CFDP1: variants seen among roughly 807,000 people sequenced by gnomAD.
CFDP1 encodes chromatin remodeling protein CFDP1, also known as heterochromatin-stabilizing protein CFDP1.
A neutral mutation model predicts 40.1 loss-of-function variants in CFDP1; 31 were observed. The observed-to-expected ratio is 0.77, with a 90% confidence interval of 0.58 to 1.04. CFDP1 has a LOEUF of 1.04. CFDP1 is among the 50% of genes least tolerant of loss of function. The probability of loss-of-function intolerance (pLI) is 0.00; values close to 1 mark genes in which losing one functional copy is unlikely to be tolerated. For synonymous variants in CFDP1, 167 were observed against 120.0 expected (o/e 1.39, Z -2.56); for missense variants, 423 against 343.4 (o/e 1.23, Z -1.83).
At chr16:75,358,732 G>A (rs565407181) in intron 5 of CFDP1, among the ~76,000 whole-genome samples, 128 of 152,180 alleles carry the variant, frequency 8.4e-4, no homozygotes, top group African/African-American at 2.8e-3. Context: ...AGTGAACAAT[G>A]TCTGTCTGTC....
intron 1 of CFDP1, among the ~76,000 whole-genome samples, chr16:75,430,042 G>C (rs1329100642): frequency 6.6e-6 from 1 of 152,196 alleles, no homozygotes; most frequent in Non-Finnish European, 1.5e-5. Flanking sequence ...AGGACAACTC[G>C]GGGTGGGAGT....
intron 5 of CFDP1, among the ~76,000 whole-genome samples, chr16:75,334,110 A>G (rs1011433709): frequency 1.3e-5 from 2 of 152,092 alleles, no homozygotes; most frequent in African/African-American, 4.8e-5. Context: ...TGGAAATACC[A>G]GCTACCTCAA....
At chr16:75,418,391 C>T (rs2079234891) in intron 1 of CFDP1, among the ~76,000 whole-genome samples, 2 of 150,654 alleles carry the variant, frequency 1.3e-5, no homozygotes, top group Non-Finnish European at 3.0e-5. Flanking sequence ...CTGCAAGCTC[C>T]GCCTCCCGGG....
At chr16:75,428,447 C>G (rs2079367004) in intron 1 of CFDP1, among the ~76,000 whole-genome samples, 1 of 151,958 alleles carries the variant, frequency 6.6e-6, no homozygotes, top group African/African-American at 2.4e-5. Context: ...AGCCCCGTCT[C>G]TATTAAAATA....
chr16:75,362,828 G>C (rs934064456), intron 5 of CFDP1: 1 of 152,174 alleles, frequency 6.6e-6, no homozygotes, highest in Non-Finnish European at 1.5e-5. Flanking sequence ...TATAAACAAT[G>C]ATATTACATG....
chr16:75,390,908 C>T (rs1272700184), intron 5 of CFDP1, among the ~76,000 whole-genome samples: 1 of 152,178 alleles, frequency 6.6e-6, no homozygotes, highest in Non-Finnish European at 1.5e-5. Context: ...TATTTGTATC[C>T]CTGTGGTTTT....
chr16:75,337,708 TAAA>T (rs2078499114), intron 5 of CFDP1, among the ~76,000 whole-genome samples: 1 of 151,986 alleles, frequency 6.6e-6, no homozygotes, highest in African/African-American at 2.4e-5. Flanking sequence ...CACACACTTT[TAAA>T]CAACCAAATC....
chr16:75,297,029 A>G (rs1350355934), intron 6 of CFDP1, among the ~76,000 whole-genome samples: 1 of 152,198 alleles, frequency 6.6e-6, no homozygotes, highest in Non-Finnish European at 1.5e-5. Flanking sequence ...AAAACAGAAT[A>G]ACAATTACAA....
intron 5 of CFDP1, among the ~76,000 whole-genome samples, chr16:75,392,816 G>A (rs1228773950): frequency 6.6e-6 from 1 of 152,190 alleles, no homozygotes; most frequent in Non-Finnish European, 1.5e-5. Context: ...AGTATTAACA[G>A]GGCCAGGTCT....
chr16:75,375,836 C>T (rs1001729548), intron 5 of CFDP1, among the ~76,000 whole-genome samples: 10 of 150,960 alleles, frequency 6.6e-5, no homozygotes, highest in African/African-American at 1.2e-4. Context: ...AACAAGGATA[C>T]GTATGGACCA....
At chr16:75,311,080 G>A (rs954667042) in intron 5 of CFDP1, among the ~76,000 whole-genome samples, 1 of 152,118 alleles carries the variant, frequency 6.6e-6, no homozygotes, top group African/African-American at 2.4e-5. Context: ...CATATTATGA[G>A]GGCACAAAAG....
chr16:75,316,442 C>T (rs1439132923), intron 5 of CFDP1, among the ~76,000 whole-genome samples: 1 of 151,976 alleles, frequency 6.6e-6, no homozygotes, highest in Non-Finnish European at 1.5e-5. Flanking sequence ...TGCTGGCTCA[C>T]GCCTATAATT....
chr16:75,392,405 G>GAAAACA (rs987357038), intron 5 of CFDP1, among the ~76,000 whole-genome samples: 1 of 140,938 alleles, frequency 7.1e-6, no homozygotes, highest in African/African-American at 2.5e-5. Context: ...ACTCCAACTT[G>GAAAACA]AAAACAAAAA....
chr16:75,350,254 T>C (rs1469288275), intron 5 of CFDP1, among the ~76,000 whole-genome samples: 2 of 152,228 alleles, frequency 1.3e-5, no homozygotes, highest in Non-Finnish European at 2.9e-5. Context: ...TGTGGGTATA[T>C]GCACAGAATT....
At chr16:75,323,013 C>T (rs1433823242) in intron 5 of CFDP1, among the ~76,000 whole-genome samples, 1 of 152,076 alleles carries the variant, frequency 6.6e-6, no homozygotes, top group Non-Finnish European at 1.5e-5. Context: ...GGCTACAATA[C>T]ATTTATTTAG....
At chr16:75,299,732 G>A (rs1036960821) in intron 6 of CFDP1, among the ~76,000 whole-genome samples, 1 of 152,180 alleles carries the variant, frequency 6.6e-6, no homozygotes, top group Non-Finnish European at 1.5e-5. Context: ...GGAACAAGAT[G>A]TTGCCCTCAG....
chr16:75,300,506 C>T (rs1417624819), intron 6 of CFDP1, among the ~76,000 whole-genome samples: 2 of 152,078 alleles, frequency 1.3e-5, no homozygotes, highest in Non-Finnish European at 2.9e-5. Context: ...AGGCTGGTCT[C>T]GAACTCCTGA....
intron 5 of CFDP1, among the ~76,000 whole-genome samples, chr16:75,349,420 G>A (rs1029496760): frequency 4.0e-5 from 6 of 151,024 alleles, no homozygotes; most frequent in African/African-American, 1.2e-4. Flanking sequence ...TGAGGCAGGA[G>A]AATCACTTGA....
chr16:75,312,164 C>T (rs1902909589), intron 5 of CFDP1, among the ~76,000 whole-genome samples: 1 of 152,142 alleles, frequency 6.6e-6, no homozygotes, highest in African/African-American at 2.4e-5. Context: ...AGTAATCTCC[C>T]CAAAGCCCAA....
Sources: gnomAD v4.1 joint callset for allele counts (sites outside exome capture counted in the v4.1 genomes callset) on GRCh38, gnomAD v4.1.1 for gene constraint, MANE v1.5 for transcripts, NCBI Gene and HGNC (gene_info 2026-07-23, HGNC 2026-07-21) for gene names.